Variants in TMEM132B observed in about 807,000 individuals in gnomAD.
The protein encoded by TMEM132B is transmembrane protein 132B.
TMEM132B carries 18 observed loss-of-function variants against 90.8 expected under a neutral mutation model. The observed-to-expected ratio is 0.20, with a 90% CI of 0.14 to 0.29. The LOEUF is 0.29. Among genes scored for constraint, TMEM132B ranks in the 10% least tolerant of loss-of-function variants. The pLI, the probability that TMEM132B is intolerant of heterozygous loss-of-function variation, is 1.00. For missense variants in TMEM132B, 1,096 were observed against 1,326.8 expected (o/e 0.83, Z 2.70); for synonymous variants, 504 against 523.3 (o/e 0.96, Z 0.50).
intron 5 of TMEM132B, among the ~76,000 whole-genome samples, chr12:125,620,283 T>C (rs1469042198): frequency 6.6e-6 from 1 of 152,236 alleles, no homozygotes; most frequent in East Asian, 1.9e-4. Flanking sequence ...AATAATGTCA[T>C]TATCACAAAG....
chr12:125,265,844 G>A (rs867296170), intron 1 of TMEM132B, among the ~76,000 whole-genome samples: 1 of 152,162 alleles, frequency 6.6e-6, no homozygotes, highest in African/African-American at 2.4e-5. Context: ...TCTCATTGCT[G>A]TAGAACAGAG....
chr12:125,263,113 T>C (rs1874605170), intron 1 of TMEM132B, among the ~76,000 whole-genome samples: 1 of 152,232 alleles, frequency 6.6e-6, no homozygotes, highest in South Asian at 2.1e-4. Context: ...CTATTGTCTA[T>C]TATCCCGTGG....
At chr12:125,356,090 G>A (rs2136242225) in intron 2 of TMEM132B, among the ~76,000 whole-genome samples, 1 of 152,192 alleles carries the variant, frequency 6.6e-6, no homozygotes, top group Middle Eastern at 3.4e-3. Context: ...ATGAAATTCT[G>A]CCCCCTCCAA....
At chr12:125,254,839 A>C (rs1047886575) in intron 1 of TMEM132B, among the ~76,000 whole-genome samples, 1 of 151,946 alleles carries the variant, frequency 6.6e-6, no homozygotes, top group Non-Finnish European at 1.5e-5. Flanking sequence ...GCCTGCCACC[A>C]CACCCGGCTA....
chr12:125,302,914 T>C (rs1443590196), intron 1 of TMEM132B, among the ~76,000 whole-genome samples: 1 of 152,084 alleles, frequency 6.6e-6, no homozygotes, highest in Non-Finnish European at 1.5e-5. Flanking sequence ...CTGGCCAACA[T>C]GGTGAAATCC....
chr12:125,462,721 T>C (rs1486252524), intron 3 of TMEM132B, among the ~76,000 whole-genome samples: 1 of 152,242 alleles, frequency 6.6e-6, no homozygotes, highest in Non-Finnish European at 1.5e-5. Flanking sequence ...TAAAGGCTTC[T>C]AAATAAAAAT....
At chr12:125,364,376 A>G (rs1428811379) in intron 2 of TMEM132B, among the ~76,000 whole-genome samples, 1 of 152,240 alleles carries the variant, frequency 6.6e-6, no homozygotes, top group African/African-American at 2.4e-5. Context: ...CCCACCACTT[A>G]GATTCTACCA....
intron 2 of TMEM132B, among the ~76,000 whole-genome samples, chr12:125,376,730 C>T (rs1397351081): frequency 1.3e-5 from 2 of 152,202 alleles, no homozygotes; most frequent in South Asian, 2.1e-4. Context: ...GGGCTGAGGC[C>T]GCCCTATGAA....
At chr12:125,643,267 C>A (rs144457950) in intron 5 of TMEM132B, among the ~76,000 whole-genome samples, 1 of 152,336 alleles carries the variant, frequency 6.6e-6, no homozygotes, top group Non-Finnish European at 1.5e-5. Flanking sequence ...GCAAAGGTTG[C>A]ACAATACTTT....
At chr12:125,644,706 G>C (rs1187374635) in intron 6 of TMEM132B, among the ~76,000 whole-genome samples, 1 of 152,078 alleles carries the variant, frequency 6.6e-6, no homozygotes, top group Non-Finnish European at 1.5e-5. Context: ...AAGACCGTGG[G>C]CTGTGGGATA....
intron 4 of TMEM132B, among the ~76,000 whole-genome samples, chr12:125,542,025 CAAAAA>C (rs71306285): frequency 4.3e-5 from 1 of 23,312 alleles, no homozygotes; most frequent in African/African-American, 1.9e-4. Context: ...ACCCCCGTCT[CAAAAA>C]AAAAAAAAAA....
chr12:125,461,416 G>A (rs982049765), intron 3 of TMEM132B, among the ~76,000 whole-genome samples: 1 of 152,198 alleles, frequency 6.6e-6, no homozygotes, highest in Non-Finnish European at 1.5e-5. Flanking sequence ...CTGATCACAG[G>A]TAATGAGACT....
chr12:125,624,720 A>G (rs982308878), intron 5 of TMEM132B, among the ~76,000 whole-genome samples: 34 of 152,202 alleles, frequency 2.2e-4, no homozygotes, highest in Non-Finnish European at 2.8e-4. Context: ...TCACGATCTT[A>G]CTAGAGTCCA....
chr12:125,221,315 G>T (rs1348784280), intron 1 of TMEM132B, among the ~76,000 whole-genome samples: 2 of 152,182 alleles, frequency 1.3e-5, no homozygotes, highest in Non-Finnish European at 2.9e-5. Flanking sequence ...CACTTACTTT[G>T]TTCTCTACTC....
chr12:125,350,165 C>A lies in TMEM132B; in HGVS notation c.781C>A (p.Arg261=), dbSNP rs1285958552. 2 of 1,614,138 alleles carry A rather than the reference C, an allele frequency of 1.2e-6. No homozygotes were observed. Among genetic ancestry groups the A allele is most frequent in the East Asian group, 2.2e-5 (1 of 44,880 alleles). The stretch of plus-strand genomic sequence containing the variant: ...GAGCCCCCAGCAAGCGTTTCCAGCC[C>A]GAGAGAGGATTGGGAGTGTGGTGGT... ...LESPQQAFPA[R]ERIGSVVVYP... is the part of the protein sequence containing the mutation. Residue 261 remains arginine, a synonymous_variant, in exon 2 of 9, where the codon CGA becomes AGA. Coordinates refer to ENST00000682704, the MANE Select transcript of TMEM132B (RefSeq NM_001366854.1).
At chr12:125,420,582 G>A (rs1016486314) in intron 3 of TMEM132B, among the ~76,000 whole-genome samples, 1 of 152,190 alleles carries the variant, frequency 6.6e-6, no homozygotes, top group African/African-American at 2.4e-5. Context: ...TCTGATGGGA[G>A]CGACTGCCAG....
chr12:125,600,353 C>G (rs1295555287), intron 5 of TMEM132B, among the ~76,000 whole-genome samples: 1 of 152,170 alleles, frequency 6.6e-6, no homozygotes, highest in Non-Finnish European at 1.5e-5. Context: ...TTGACTCTCT[C>G]CATTCCACTT....
chr12:125,409,571 T>TGAGGG (rs1879628880), intron 2 of TMEM132B, among the ~76,000 whole-genome samples: 1 of 119,590 alleles, frequency 8.4e-6, no homozygotes, highest in African/African-American at 3.8e-5. Context: ...TGGAGTGGAG[T>TGAGGG]GAGTGGAGTG....
At chr12:125,514,181 C>T (rs1479324217) in intron 3 of TMEM132B, among the ~76,000 whole-genome samples, 1 of 152,166 alleles carries the variant, frequency 6.6e-6, no homozygotes, top group Admixed American at 6.5e-5. Flanking sequence ...TCTTGTCTCC[C>T]AGAATGCAAA....
Sources: allele counts gnomAD v4.1 joint callset (sites outside exome capture counted in the v4.1 genomes callset), GRCh38; gene constraint gnomAD v4.1.1; transcripts MANE v1.5; gene names NCBI Gene and HGNC (gene_info 2026-07-23, HGNC 2026-07-21).